NF1: variants seen among roughly 807,000 people sequenced by gnomAD.
NF1 encodes the protein neurofibromin.
NF1 carries 122 observed loss-of-function variants against 325.7 expected under a neutral mutation model. The observed-to-expected ratio is 0.37, with a 90% CI of 0.32 to 0.44. The LOEUF (loss-of-function observed/expected upper bound fraction) is 0.44. Among genes scored for constraint, NF1 ranks in the 20% least tolerant of loss-of-function variants. NF1 has a pLI of 1.00. For missense variants in NF1, 2,140 were observed against 3,415.4 expected (o/e 0.63, Z 9.31); for synonymous variants, 1,091 against 1,186.0 (o/e 0.92, Z 1.65).
intron 36 of NF1, among the ~76,000 whole-genome samples, chr17:31,325,534 A>C (rs1350382333): frequency 6.6e-6 from 1 of 152,218 alleles, no homozygotes. Context: ...TGGGCCCTGC[A>C]GGCAACCAAC....
rs16972127 is a variant in NF1 at position 31,262,484 on chromosome 17, C to T, written c.4724+627C>T. ...ATCTTTTAAAGTACCTTTCACAGGA[C>T]TTTATGCTTAGTAAGTGCTCCTTCG... On this transcript the variant is annotated intron_variant, in intron 35 of 57. Coordinates refer to ENST00000358273, the MANE Select transcript of NF1 (RefSeq NM_001042492.3). Among the ~76,000 whole-genome samples, 1,192 of 152,260 alleles carry T rather than the reference C, an allele frequency of 7.8e-3. 21 individuals are homozygous for T. The highest frequency in any genetic ancestry group is 0.027 in the African/African-American group (1,142 of 41,554).
rs786203709 is a variant in NF1 at position 31,325,959 on chromosome 17, C to T, written c.4975C>T (p.Leu1659Phe). Residue 1659 changes from leucine (L) to phenylalanine (F), a missense_variant, in exon 37 of 58, where the codon CTC becomes TTC. Transcript: ENST00000358273. Reference protein sequence around the residue: ...GPSNRFKTDFLSKWFVVFPGF... With the variant: ...GPSNRFKTDFFSKWFVVFPGF... ...TAGCAATCGCTTTAAAACAGACTTT[C>T]TCTCTAAGTGGTTTGTTGTTTTTCC... The T allele has an allele frequency of 6.2e-7, 1 of 1,614,210 alleles. No homozygotes were observed. Among genetic ancestry groups the T allele is most frequent in the African/African-American group, 1.3e-5 (1 of 75,052 alleles).
chr17:31,127,832 A>T (rs1363866359), intron 1 of NF1, among the ~76,000 whole-genome samples: 1 of 151,572 alleles, frequency 6.6e-6, no homozygotes, highest in East Asian at 1.9e-4. Context: ...CTTTATCTTC[A>T]ATCTTTTTTT....
intron 38 of NF1, among the ~76,000 whole-genome samples, chr17:31,328,793 CCTTTA>C (rs2069410324): frequency 2.6e-5 from 4 of 152,014 alleles, no homozygotes; most frequent in Non-Finnish European, 5.9e-5. Flanking sequence ...TCCAAATTCT[CCTTTA>C]CTTAAAGGGA....
At chr17:31,208,512 A>T (rs1337300659) in intron 12 of NF1, among the ~76,000 whole-genome samples, 1 of 152,178 alleles carries the variant, frequency 6.6e-6, no homozygotes, top group Non-Finnish European at 1.5e-5. Flanking sequence ...ATGCCAGGGA[A>T]GCATGGTGAA....
At position 31,095,142 on chromosome 17, in the gene NF1, G is replaced by T. The variant is rs1343998513; in HGVS notation, c.-168G>T. The stretch of plus-strand genomic sequence containing the variant: ...CGCCCCCTTTCCCTCTCCCCCTCCC[G>T]CTCGGCGCTGACCCCCCATCCCCAC... On this transcript the variant is annotated 5_prime_UTR_variant, in exon 1 of 58. Transcript: ENST00000358273. 2 of 143,200 alleles carry T rather than the reference G, an allele frequency of 1.4e-5. No homozygotes were observed. Among genetic ancestry groups the T allele is most frequent in the East Asian group, 1.7e-4 (1 of 6,034 alleles). The allele number at this position is 143,200 out of a possible 1,614,324, so 8.9% of individuals were successfully genotyped here.
At chr17:31,099,848 A>C (rs1394806576) in intron 1 of NF1, among the ~76,000 whole-genome samples, 1 of 152,040 alleles carries the variant, frequency 6.6e-6, no homozygotes, top group East Asian at 1.9e-4. Flanking sequence ...GGCGTGAGCC[A>C]CCACGCCCGG....
At chr17:31,335,874 T>C (rs1482285688) in intron 40 of NF1, among the ~76,000 whole-genome samples, 1 of 148,620 alleles carries the variant, frequency 6.7e-6, no homozygotes, top group South Asian at 2.1e-4. Flanking sequence ...TTTTTTTTTT[T>C]AGAGATAGGG....
chr17:31,096,425 A>G (rs964821548), intron 1 of NF1, among the ~76,000 whole-genome samples: 1 of 152,222 alleles, frequency 6.6e-6, no homozygotes, highest in African/African-American at 2.4e-5. Flanking sequence ...GTTTCACACA[A>G]TAAATCCTGG....
At chr17:31,270,539 G>C (rs1218951496) in intron 36 of NF1, among the ~76,000 whole-genome samples, 3 of 150,464 alleles carry the variant, frequency 2.0e-5, no homozygotes, top group African/African-American at 7.4e-5. Context: ...GATCCTGGGA[G>C]GTCAAGACTG....
intron 6 of NF1, 100 bp downstream of exon 6, chr17:31,181,589 C>G: frequency 7.5e-7 from 1 of 1,332,040 alleles, no homozygotes. Context: ...GTGATAGTTT[C>G]ACATTCATTT....
intron 1 of NF1, among the ~76,000 whole-genome samples, chr17:31,131,609 G>T (rs953980987): frequency 6.6e-6 from 1 of 152,148 alleles, no homozygotes; most frequent in Admixed American, 6.5e-5. Flanking sequence ...CCTCCCTGTG[G>T]CTTTTCATGA....
At chr17:31,121,032 AAC>A (rs1267639672) in intron 1 of NF1, among the ~76,000 whole-genome samples, 2 of 151,932 alleles carry the variant, frequency 1.3e-5, no homozygotes, top group African/African-American at 4.8e-5. Flanking sequence ...GTTAAAAAAA[AAC>A]ACAACAACCA....
intron 6 of NF1, 94 bp from the exon 7 acceptor site, chr17:31,181,616 G>A: frequency 4.7e-6 from 6 of 1,270,414 alleles, no homozygotes; most frequent in Non-Finnish European, 6.9e-6. Context: ...AGAATACATT[G>A]TAATATTATT....
chr17:31,342,373 G>A lies in NF1; in HGVS notation c.7063-636G>A, dbSNP rs973517212. ...AGCACTCTGGGAGGCCGAGTTGGGA[G>A]GATCACTTGAGGTTAGGAGTTCGAG... On this transcript the variant is annotated intron_variant, in intron 47 of 57. Transcript: ENST00000358273. 2.0e-5 allele frequency among the ~76,000 whole-genome samples: 3 copies of A among 152,134 alleles called. No homozygotes were observed. In the South Asian group the frequency reaches 6.2e-4, roughly 32 times the overall value.
intron 31 of NF1, among the ~76,000 whole-genome samples, chr17:31,254,769 T>A (rs1352262622): frequency 2.0e-5 from 3 of 152,188 alleles, no homozygotes; most frequent in African/African-American, 4.8e-5. Flanking sequence ...AATTTTTTTT[T>A]AATTTCTGGG....
At chr17:31,294,599 A>G (rs1308263083) in intron 36 of NF1, 17 of 194,536 alleles carry the variant, frequency 8.7e-5, no homozygotes. Flanking sequence ...TGGTGAGGTC[A>G]TTTTGATTCT....
intron 39 of NF1, chr17:31,334,631 G>T (rs2069593049): frequency 3.9e-6 from 2 of 515,518 alleles, no homozygotes; most frequent in African/African-American, 1.9e-5. Flanking sequence ...TTCAAAAATT[G>T]GCTTACTGGC....
intron 36 of NF1, among the ~76,000 whole-genome samples, chr17:31,287,568 G>A (rs2068256506): frequency 1.3e-5 from 2 of 151,794 alleles, no homozygotes; most frequent in Admixed American, 1.3e-4. Flanking sequence ...GTGTGTGTGT[G>A]TGTGTGTGTG....
Sources: allele counts gnomAD v4.1 joint callset (sites outside exome capture counted in the v4.1 genomes callset), GRCh38; gene constraint gnomAD v4.1.1; transcripts MANE v1.5; gene names NCBI Gene and HGNC (gene_info 2026-07-23, HGNC 2026-07-21).